The following CACNA2D3 variants were observed in gnomAD, a reference collection of about 807,000 sequenced individuals.
CACNA2D3 encodes voltage-dependent calcium channel subunit alpha-2/delta-3.
A neutral mutation model predicts 160.6 loss-of-function variants in CACNA2D3; 60 were observed. The ratio of observed to expected loss-of-function variants is 0.37; its 90% CI spans 0.30 to 0.46. The LOEUF is 0.46. CACNA2D3 is among the 20% of genes least tolerant of loss of function. The pLI, the probability that CACNA2D3 is intolerant of heterozygous loss-of-function variation, is 1.00. For synonymous variants in CACNA2D3, 558 were observed against 492.9 expected, an observed-to-expected ratio of 1.13 and a Z score of -1.75; for missense variants, 1,205 against 1,365.0, an observed-to-expected ratio of 0.88 and a Z score of 1.85.
rs1559633062 is a variant in CACNA2D3, at chr3:54,927,127, T to TTGC, written c.2449+27260_2449+27261insGCT. On this transcript the variant is annotated intron_variant, in intron 27 of 37. Coordinates refer to ENST00000474759, the MANE Select transcript of CACNA2D3 (RefSeq NM_018398.3). ...GAAAGGGGCTTTGTTTGATTGATTG[T>TTGC]TTGCTTGCTTGCTTGTTTTGGGCCT... is the stretch of plus-strand genomic sequence containing the variant. 2.2e-3 allele frequency among the ~76,000 whole-genome samples: 341 copies of TTGC among 152,052 alleles called. 1 individual carries two copies. Among genetic ancestry groups the TTGC allele is most frequent in the African/African-American group, 7.7e-3 (320 of 41,528 alleles).
At chr3:54,737,106 T>A (rs926142363) in intron 11 of CACNA2D3, among the ~76,000 whole-genome samples, 2 of 152,134 alleles carry the variant, frequency 1.3e-5, no homozygotes, top group Admixed American at 6.5e-5. Context: ...GGGTATTTGC[T>A]ATGGATTAGC....
intron 11 of CACNA2D3, among the ~76,000 whole-genome samples, chr3:54,706,053 A>G (rs868469041): frequency 1.2e-4 from 19 of 152,232 alleles, no homozygotes; most frequent in African/African-American, 4.6e-4. Flanking sequence ...TTCACACACC[A>G]TAAGGCCAAA....
intron 23 of CACNA2D3, among the ~76,000 whole-genome samples, chr3:54,887,694 G>T (rs776071372): frequency 2.6e-5 from 4 of 152,100 alleles, no homozygotes; most frequent in Non-Finnish European, 5.9e-5. Context: ...CACGAGATGG[G>T]GTGAGAAAGC....
intron 2 of CACNA2D3, among the ~76,000 whole-genome samples, chr3:54,264,816 C>A (rs543181923): frequency 6.6e-6 from 1 of 152,308 alleles, no homozygotes; most frequent in South Asian, 2.1e-4. Flanking sequence ...GCCACAAAAA[C>A]CGCATTTTAA....
At chr3:55,040,371 A>G (rs966231309) in intron 35 of CACNA2D3, among the ~76,000 whole-genome samples, 6 of 152,218 alleles carry the variant, frequency 3.9e-5, no homozygotes, top group Admixed American at 6.5e-5. Flanking sequence ...CATAATAATT[A>G]TTTAAGCTAC....
At chr3:54,881,830 A>T (rs1025228279) in intron 21 of CACNA2D3, among the ~76,000 whole-genome samples, 1 of 152,244 alleles carries the variant, frequency 6.6e-6, no homozygotes, top group East Asian at 1.9e-4. Flanking sequence ...TGGGCCATCC[A>T]TGGCGCCCTC....
At chr3:54,965,362 G>T (rs1702124857) in intron 27 of CACNA2D3, among the ~76,000 whole-genome samples, 1 of 152,150 alleles carries the variant, frequency 6.6e-6, no homozygotes, top group African/African-American at 2.4e-5. Context: ...TCTTTAAAAA[G>T]GTTCTCTCCC....
At chr3:54,122,897 CAA>C (rs1207997354) in intron 1 of CACNA2D3, 62 bp downstream of exon 1, 1 of 1,192,814 alleles carries the variant, frequency 8.4e-7, no homozygotes. Context: ...CCACTGTGCC[CAA>C]GTTTGGGCGC....
At chr3:54,939,537 C>T (rs958679985) in intron 27 of CACNA2D3, among the ~76,000 whole-genome samples, 12 of 152,234 alleles carry the variant, frequency 7.9e-5, no homozygotes, top group African/African-American at 2.7e-4. Flanking sequence ...GGGCAGCCTG[C>T]TGTCTGTCTG....
intron 5 of CACNA2D3, among the ~76,000 whole-genome samples, chr3:54,535,580 G>A (rs1701877135): frequency 6.6e-6 from 1 of 152,166 alleles, no homozygotes; most frequent in South Asian, 2.1e-4. Flanking sequence ...TTATGTGGAT[G>A]TTAAGCTATT....
chr3:55,018,416 T>C, intron 35 of CACNA2D3, 99 bp downstream of exon 35: 2 of 702,018 alleles, frequency 2.8e-6, no homozygotes, highest in Non-Finnish European at 5.1e-6. Flanking sequence ...GTTACACCAA[T>C]AGAAAACATG....
At chr3:54,604,434 A>G (rs1385403468) in intron 9 of CACNA2D3, among the ~76,000 whole-genome samples, 1 of 152,178 alleles carries the variant, frequency 6.6e-6, no homozygotes, top group African/African-American at 2.4e-5. Context: ...TTAATCAGGA[A>G]TGTAAGTTTC....
chr3:54,787,113 C>T lies in CACNA2D3; in HGVS notation c.1380+22762C>T, dbSNP rs186604624. 2.6e-4 allele frequency among the ~76,000 whole-genome samples: 39 copies of T among 152,278 alleles called. No individual in the cohort carries two copies. The East Asian group carries it at 7.5e-3, about 29-fold the overall frequency. ...TTCTTGTGGTTGTTTCCTGAACACA[C>T]ATATTTGAGGGAATATTCAGTACTC... On this transcript the variant is annotated intron_variant, in intron 13 of 37. Transcript: ENST00000474759.
chr3:54,667,101 TTCTCATGTTAATTACTCA>T (rs539525916), intron 11 of CACNA2D3, among the ~76,000 whole-genome samples: 160 of 152,366 alleles, frequency 1.1e-3, no homozygotes, highest in African/African-American at 3.7e-3. Context: ...AGATCAGGTC[TTCTCATGTTAATTACTCA>T]TCTATATTCT....
At chr3:54,253,918 CCACCACGCCTGG>C (rs1702245218) in intron 2 of CACNA2D3, among the ~76,000 whole-genome samples, 2 of 152,012 alleles carry the variant, frequency 1.3e-5, no homozygotes, top group Admixed American at 1.3e-4. Context: ...TAGGTGCCTG[CCACCACGCCTGG>C]CTAATTTTTG....
intron 35 of CACNA2D3, among the ~76,000 whole-genome samples, chr3:55,053,143 TC>T (rs1192075417): frequency 3.9e-5 from 6 of 152,054 alleles, no homozygotes; most frequent in Admixed American, 3.9e-4. Context: ...TTGTAATCCC[TC>T]CCACTGGTTT....
chr3:54,206,684 GCCAGTAAGCTATA>G (rs1400950441), intron 2 of CACNA2D3, among the ~76,000 whole-genome samples: 2 of 152,108 alleles, frequency 1.3e-5, no homozygotes, highest in African/African-American at 2.4e-5. Flanking sequence ...TTACTTTTAT[GCCAGTAAGCTATA>G]CCAGTAAGCT....
At chr3:54,204,812 A>G (rs1470652738) in intron 2 of CACNA2D3, among the ~76,000 whole-genome samples, 11 of 150,940 alleles carry the variant, frequency 7.3e-5, no homozygotes, top group Admixed American at 2.6e-4. Context: ...AAAAAAAAAA[A>G]AAAAAAAAGA....
intron 2 of CACNA2D3, among the ~76,000 whole-genome samples, chr3:54,246,241 A>C (rs1007553504): frequency 3.3e-5 from 5 of 152,146 alleles, no homozygotes; most frequent in Non-Finnish European, 7.4e-5. Flanking sequence ...TCCATGGCTT[A>C]TATTTTCTTC....
Sources: allele counts gnomAD v4.1 joint callset (sites outside exome capture counted in the v4.1 genomes callset), GRCh38; gene constraint gnomAD v4.1.1; transcripts MANE v1.5; gene names NCBI Gene and HGNC (gene_info 2026-07-23, HGNC 2026-07-21).